The following RAP1A variants were observed in gnomAD, a reference collection of about 807,000 sequenced individuals.
The protein encoded by RAP1A is ras-related protein Rap-1A.
Under a neutral mutation model 26.4 loss-of-function variants are expected in RAP1A, and 6 were observed. That is an observed-to-expected ratio of 0.23 (90% CI 0.12 to 0.45). The LOEUF (loss-of-function observed/expected upper bound fraction) is 0.45, where lower values mean the gene tolerates loss of function less well. RAP1A is among the 20% of genes least tolerant of loss of function. The pLI is 0.99. For missense variants in RAP1A, 121 were observed against 217.2 expected, an observed-to-expected ratio of 0.56 and a Z score of 2.78; for synonymous variants, 73 against 79.4, an observed-to-expected ratio of 0.92 and a Z score of 0.43.
intron 1 of RAP1A, among the ~76,000 whole-genome samples, chr1:111,587,561 C>A (rs1281915153): frequency 3.9e-5 from 6 of 152,158 alleles, no homozygotes; most frequent in Admixed American, 1.3e-4. Flanking sequence ...CTTGATCTTT[C>A]CTGGCAAAAT....
At chr1:111,594,478 C>T (rs550348238) in intron 1 of RAP1A, among the ~76,000 whole-genome samples, 2 of 133,590 alleles carry the variant, frequency 1.5e-5, no homozygotes, top group South Asian at 4.8e-4. Flanking sequence ...AGACAAAAAA[C>T]GGAAGGAAGG....
chr1:111,548,835 T>C (rs2101032825), intron 1 of RAP1A, among the ~76,000 whole-genome samples: 1 of 152,362 alleles, frequency 6.6e-6, no homozygotes, highest in Middle Eastern at 3.4e-3. Context: ...ACTACAAATG[T>C]GATGTTTGTT....
Position 111,603,231 on chromosome 1 carries a change from G to A in RAP1A, c.-28+60722G>A, listed in dbSNP as rs4147175. ...AATCAAAAAGCCACTTCCCAGAGAC[G>A]ACATGAATGTTCAAGGTTTGGTTCC... On this transcript the variant is annotated intron_variant, in intron 1 of 7. Coordinates refer to the RAP1A transcript ENST00000356415. 1.0e-3 allele frequency among the ~76,000 whole-genome samples: 152 copies of A among 152,294 alleles called. 1 individual carries two copies. The highest frequency in any genetic ancestry group is 3.4e-3 in the African/African-American group (141 of 41,554).
At chr1:111,549,287 A>C (rs1265282674) in intron 1 of RAP1A, among the ~76,000 whole-genome samples, 1 of 150,030 alleles carries the variant, frequency 6.7e-6, no homozygotes, top group Non-Finnish European at 1.5e-5. Context: ...AGAATTTATC[A>C]GTGAAGCCAT....
intron 4 of RAP1A, among the ~76,000 whole-genome samples, chr1:111,702,200 G>A (rs1019558267): frequency 4.6e-5 from 7 of 152,126 alleles, no homozygotes; most frequent in Non-Finnish European, 8.8e-5. Flanking sequence ...TATCTTTTAC[G>A]TTTAATGCAT....
chr1:111,623,962 G>A (rs1659308293), intron 1 of RAP1A, among the ~76,000 whole-genome samples: 1 of 152,142 alleles, frequency 6.6e-6, no homozygotes, highest in Non-Finnish European at 1.5e-5. Context: ...TTGAACCTCA[G>A]ATCACTTCTA....
intron 1 of RAP1A, among the ~76,000 whole-genome samples, chr1:111,542,867 T>C (rs1401760700): frequency 6.6e-6 from 1 of 152,080 alleles, no homozygotes; most frequent in African/African-American, 2.4e-5. Flanking sequence ...TGGCTAGTTT[T>C]TGCATTTTTA....
chr1:111,621,899 G>C (rs532532282), intron 1 of RAP1A, among the ~76,000 whole-genome samples: 4 of 152,102 alleles, frequency 2.6e-5, no homozygotes, highest in African/African-American at 9.6e-5. Context: ...CTTCAAGAAG[G>C]ACAGTATCTA....
intron 1 of RAP1A, among the ~76,000 whole-genome samples, chr1:111,574,138 G>C (rs1449837339): frequency 6.6e-6 from 1 of 152,142 alleles, no homozygotes; most frequent in Non-Finnish European, 1.5e-5. Flanking sequence ...TTTGTATATA[G>C]TGTAAAGAAG....
Position 111,619,826 on chromosome 1 carries a change from C to T in RAP1A, c.-136C>T, listed in dbSNP as rs560342613. On this transcript the variant is annotated 5_prime_UTR_variant, in exon 1 of 8. Transcript: ENST00000369709. ...GAGGCCCCTGCCGCCGCCGCTCCCG[C>T]TGCTGTCGCCGCGCAGAGCCGGAGC... The T allele has an allele frequency of 6.8e-4, 272 of 399,144 alleles. No individual in the cohort carries two copies. The highest frequency in any genetic ancestry group is 1.1e-3 in the Non-Finnish European group (243 of 226,950). 24.7% of individuals were successfully genotyped at this position (399,144 alleles called of 1,614,324 possible).
intron 1 of RAP1A, among the ~76,000 whole-genome samples, chr1:111,643,377 T>G (rs779414022): frequency 3.3e-5 from 5 of 152,202 alleles, no homozygotes; most frequent in Non-Finnish European, 5.9e-5. Context: ...ACGTCTTTTC[T>G]TTCTTGGACA....
At chr1:111,685,313 G>T (rs1314936733) in intron 1 of RAP1A, among the ~76,000 whole-genome samples, 1 of 151,942 alleles carries the variant, frequency 6.6e-6, no homozygotes, top group Non-Finnish European at 1.5e-5. Flanking sequence ...CACAGCAAAA[G>T]AAACTATCAG....
intron 4 of RAP1A, among the ~76,000 whole-genome samples, chr1:111,699,628 CTT>C (rs746727179): frequency 6.9e-6 from 1 of 144,076 alleles, no homozygotes; most frequent in Non-Finnish European, 1.5e-5. Context: ...CCACACCTAG[CTT>C]TTTTTTTTTT....
intron 1 of RAP1A, among the ~76,000 whole-genome samples, chr1:111,688,010 G>C (rs1011739284): frequency 1.7e-5 from 2 of 116,126 alleles, no homozygotes; most frequent in Non-Finnish European, 3.4e-5. Context: ...CTGGGCAACA[G>C]AGTGAGACCC....
At chr1:111,655,243 GAAA>G (rs372916125) in intron 1 of RAP1A, among the ~76,000 whole-genome samples, 1,012 of 96,136 alleles carry the variant, frequency 0.011, 11 homozygotes, top group African/African-American at 0.036. Flanking sequence ...TGAAAAAAAA[GAAA>G]AAAAAACAAT....
intron 1 of RAP1A, among the ~76,000 whole-genome samples, chr1:111,596,340 C>T (rs982248713): frequency 6.6e-6 from 1 of 152,200 alleles, no homozygotes; most frequent in Non-Finnish European, 1.5e-5. Context: ...GGCCACAGGA[C>T]AGCTTCCACC....
intron 1 of RAP1A, among the ~76,000 whole-genome samples, chr1:111,654,077 C>T (rs147723398): frequency 0.031 from 4,654 of 152,258 alleles, 108 homozygotes; most frequent in Admixed American, 0.06. Context: ...CAATTATTTT[C>T]ATGGGATAAA....
exon 1 of RAP1A, chr1:111,542,362 T>C (rs767741730): frequency 2.4e-5 from 7 of 289,744 alleles, no homozygotes; most frequent in Non-Finnish European, 4.4e-5. Context: ...GGTGAAGGAC[T>C]GTGCCAGCTG....
chr1:111,703,942 G>T (rs1226702274), intron 5 of RAP1A, among the ~76,000 whole-genome samples: 2 of 152,108 alleles, frequency 1.3e-5, no homozygotes, highest in Non-Finnish European at 2.9e-5. Flanking sequence ...GGGACTACAG[G>T]TGTGTGCCAC....
Sources: allele counts gnomAD v4.1 joint callset (sites outside exome capture counted in the v4.1 genomes callset), GRCh38; gene constraint gnomAD v4.1.1; transcripts MANE v1.5; gene names NCBI Gene and HGNC (gene_info 2026-07-23, HGNC 2026-07-21).